DMD: variants seen among roughly 807,000 people sequenced by gnomAD.
DMD encodes mutant dystrophin.
DMD carries 63 observed loss-of-function variants against 330.1 expected under a neutral mutation model. The ratio of observed to expected loss-of-function variants is 0.19; its 90% confidence interval spans 0.16 to 0.24. The LOEUF (loss-of-function observed/expected upper bound fraction) is 0.24, where lower values mean the gene tolerates loss of function less well. DMD is among the 10% of genes least tolerant of loss of function. DMD has a pLI of 1.00. For synonymous variants in DMD, 1,223 were observed against 959.8 expected (o/e 1.27, Z -5.07); for missense variants, 3,344 against 2,684.1 (o/e 1.25, Z -5.43).
At chrX:32,266,781 C>T (rs1030732970) in intron 43 of DMD, among the ~76,000 whole-genome samples, 5 of 111,622 alleles carry the variant, frequency 4.5e-5, no homozygotes, top group Non-Finnish European at 9.4e-5. Flanking sequence ...CCTATGCAGC[C>T]AATAAATAGT....
intron 34 of DMD, among the ~76,000 whole-genome samples, chrX:32,377,375 G>C (rs1458349907): frequency 8.9e-6 from 1 of 111,797 alleles, no homozygotes; most frequent in Non-Finnish European, 1.9e-5. Flanking sequence ...GATTGATACA[G>C]GTTCCTAGAG....
intron 71 of DMD, among the ~76,000 whole-genome samples, chrX:31,177,422 G>A (rs948165102): frequency 3.6e-5 from 4 of 111,147 alleles, no homozygotes; most frequent in Admixed American, 9.6e-5. Flanking sequence ...TAAACAGTCC[G>A]CACACCTCAT....
chrX:32,386,066 C>A (rs774797270), intron 33 of DMD, among the ~76,000 whole-genome samples: 1 of 109,982 alleles, frequency 9.1e-6, no homozygotes, highest in South Asian at 3.8e-4. Context: ...CAGAGCCTCA[C>A]TGATTAATTA....
At chrX:31,624,543 T>C (rs1422607253) in intron 55 of DMD, among the ~76,000 whole-genome samples, 1 of 112,190 alleles carries the variant, frequency 8.9e-6, no homozygotes, top group Non-Finnish European at 1.9e-5. Flanking sequence ...GAAAAACGGA[T>C]TGACAGTCTT....
At chrX:33,008,956 A>G (rs1404669642) in intron 2 of DMD, among the ~76,000 whole-genome samples, 1 of 98,542 alleles carries the variant, frequency 1.0e-5, no homozygotes, top group Non-Finnish European at 2.1e-5. Context: ...ATATACGTAT[A>G]TATACATATG....
chrX:32,648,033 T>C (rs2059894034), intron 9 of DMD, among the ~76,000 whole-genome samples: 1 of 112,039 alleles, frequency 8.9e-6, no homozygotes, highest in African/African-American at 3.2e-5. Flanking sequence ...GCACTAATAC[T>C]CAAGTAACAC....
chrX:31,652,300 C>T (rs1341948789), intron 54 of DMD, among the ~76,000 whole-genome samples: 3 of 111,418 alleles, frequency 2.7e-5, no homozygotes, highest in African/African-American at 9.8e-5. Flanking sequence ...ACTTGTTTTC[C>T]TCTTTGTTCT....
At chrX:32,749,539 C>T (rs1341729321) in intron 7 of DMD, among the ~76,000 whole-genome samples, 1 of 112,316 alleles carries the variant, frequency 8.9e-6, no homozygotes, top group East Asian at 2.8e-4. Context: ...TCTTCCCCTG[C>T]TCTCTGCTCC....
At chrX:32,852,237 C>A (rs1603448750) in intron 2 of DMD, among the ~76,000 whole-genome samples, 1 of 111,483 alleles carries the variant, frequency 9.0e-6, no homozygotes, top group East Asian at 2.8e-4. Context: ...AGTCCTGAGA[C>A]CCCCCATTCC....
chrX:31,310,716 A>ATTT (rs1230035132), intron 62 of DMD, among the ~76,000 whole-genome samples: 2 of 84,292 alleles, frequency 2.4e-5, no homozygotes, highest in Non-Finnish European at 2.3e-5. Context: ...CATGCCAAGG[A>ATTT]TTTTTTTTTT....
intron 44 of DMD, among the ~76,000 whole-genome samples, chrX:32,020,791 A>T (rs1216588994): frequency 8.9e-6 from 1 of 112,721 alleles, no homozygotes; most frequent in Admixed American, 9.4e-5. Flanking sequence ...AAGTAATGCC[A>T]ATTAATAATT....
At chrX:31,781,673 G>C (rs751782809) in intron 50 of DMD, among the ~76,000 whole-genome samples, 2 of 110,337 alleles carry the variant, frequency 1.8e-5, no homozygotes, top group African/African-American at 3.3e-5. Flanking sequence ...ATCTACATGC[G>C]CTCAGTGAAA....
At chrX:31,807,776 A>G (rs2149374341) in intron 50 of DMD, among the ~76,000 whole-genome samples, 1 of 111,608 alleles carries the variant, frequency 9.0e-6, no homozygotes, top group African/African-American at 3.2e-5. Flanking sequence ...AAGCATGCAC[A>G]ATATGGTAGA....
intron 55 of DMD, among the ~76,000 whole-genome samples, chrX:31,573,508 G>A (rs1427687028): frequency 9.0e-6 from 1 of 111,635 alleles, no homozygotes; most frequent in East Asian, 2.8e-4. Context: ...ATACAAGGTT[G>A]TACTCTGGTT....
intron 7 of DMD, among the ~76,000 whole-genome samples, chrX:32,785,477 C>G (rs1462494674): frequency 9.0e-6 from 1 of 111,472 alleles, no homozygotes; most frequent in Non-Finnish European, 1.9e-5. Flanking sequence ...ATGTTCTTCA[C>G]TAGTCTATGT....
chrX:32,071,590 A>G (rs2096299784), intron 44 of DMD, among the ~76,000 whole-genome samples: 1 of 108,185 alleles, frequency 9.2e-6, no homozygotes, highest in South Asian at 4.2e-4. Context: ...GCACACCAAC[A>G]TGGCACATGT....
At chrX:31,678,678 A>G (rs941008254) in intron 53 of DMD, among the ~76,000 whole-genome samples, 5 of 111,181 alleles carry the variant, frequency 4.5e-5, no homozygotes, top group Non-Finnish European at 9.4e-5. Context: ...TTCCTCCCCA[A>G]TCCTGATACC....
intron 43 of DMD, among the ~76,000 whole-genome samples, chrX:32,237,281 T>G (rs747218634): frequency 1.0e-4 from 10 of 96,826 alleles, no homozygotes; most frequent in Admixed American, 9.4e-4. Context: ...ATGGTACTTC[T>G]GTCTGTCATA....
intron 60 of DMD, among the ~76,000 whole-genome samples, chrX:31,358,001 T>C (rs2058752270): frequency 9.0e-6 from 1 of 110,854 alleles, no homozygotes; most frequent in South Asian, 3.9e-4. Context: ...TGTGTAGATG[T>C]GTGAGAACCA....
Sources: gnomAD v4.1 joint callset for allele counts (sites outside exome capture counted in the v4.1 genomes callset) on GRCh38, gnomAD v4.1.1 for gene constraint, MANE v1.5 for transcripts, NCBI Gene and HGNC (gene_info 2026-07-23, HGNC 2026-07-21) for gene names.